Variants in PPP2R2C observed in about 807,000 individuals in gnomAD.
PPP2R2C encodes the protein protein phosphatase 2, regulatory subunit B, gamma.
Under a neutral mutation model 45.3 loss-of-function variants are expected in PPP2R2C, and 10 were observed. The observed-to-expected ratio is 0.22, with a 90% CI of 0.14 to 0.37. The LOEUF is 0.37. PPP2R2C is among the 10% of genes least tolerant of loss of function. The pLI, the probability that PPP2R2C is intolerant of heterozygous loss-of-function variation, is 1.00. For synonymous variants in PPP2R2C, 257 were observed against 245.4 expected (o/e 1.05, Z -0.44); for missense variants, 308 against 619.7 (o/e 0.50, Z 5.34).
At chr4:6,340,495 G>A (rs558253930) in intron 6 of PPP2R2C, among the ~76,000 whole-genome samples, 1 of 152,270 alleles carries the variant, frequency 6.6e-6, no homozygotes, top group East Asian at 1.9e-4. Flanking sequence ...ACGGGAGCCT[G>A]GTCTCTGTAC....
At chr4:6,499,674 C>T (rs956626954) in intron 2 of PPP2R2C, among the ~76,000 whole-genome samples, 3 of 151,358 alleles carry the variant, frequency 2.0e-5, no homozygotes, top group Non-Finnish European at 4.4e-5. Flanking sequence ...AAACTTGCTG[C>T]GGAGTGGTCA....
At chr4:6,382,237 G>A (rs937490567) in intron 1 of PPP2R2C, 78 of 1,211,958 alleles carry the variant, frequency 6.4e-5, no homozygotes, top group South Asian at 1.0e-4. Flanking sequence ...GTAGGAGCCC[G>A]GGATGGCCCG....
intron 1 of PPP2R2C, among the ~76,000 whole-genome samples, chr4:6,550,331 G>A (rs988503065): frequency 1.3e-5 from 2 of 151,432 alleles, no homozygotes; most frequent in African/African-American, 2.4e-5. Context: ...AGTGCCCTCA[G>A]GCCAGCACAT....
intron 1 of PPP2R2C, among the ~76,000 whole-genome samples, chr4:6,539,143 A>C (rs1445833649): frequency 7.1e-6 from 1 of 141,750 alleles, no homozygotes; most frequent in Non-Finnish European, 1.6e-5. Context: ...CCTTCCAAAA[A>C]AAAAAAAGAG....
At chr4:6,517,931 A>G (rs1002364668) in intron 2 of PPP2R2C, among the ~76,000 whole-genome samples, 1 of 152,194 alleles carries the variant, frequency 6.6e-6, no homozygotes, top group Non-Finnish European at 1.5e-5. Flanking sequence ...GCACAGTCCC[A>G]GGTGAGGCCA....
intron 1 of PPP2R2C, among the ~76,000 whole-genome samples, chr4:6,424,998 G>A (rs1357190861): frequency 1.3e-5 from 2 of 152,208 alleles, no homozygotes; most frequent in Admixed American, 6.5e-5. Context: ...TACTTTTAGG[G>A]CCATCATGAA....
intron 1 of PPP2R2C, chr4:6,384,287 T>C (rs1015134389): frequency 2.0e-6 from 2 of 985,388 alleles, no homozygotes; most frequent in Non-Finnish European, 2.4e-6. Flanking sequence ...AAATTGGGTA[T>C]AAAATGCTTG....
intron 5 of PPP2R2C, among the ~76,000 whole-genome samples, chr4:6,356,354 A>G (rs982498767): frequency 1.3e-5 from 2 of 152,134 alleles, no homozygotes. Flanking sequence ...CCCCTTCTAC[A>G]TTGGAAACAG....
chr4:6,499,123 C>G (rs867750225), intron 2 of PPP2R2C, among the ~76,000 whole-genome samples: 1 of 152,140 alleles, frequency 6.6e-6, no homozygotes, highest in Non-Finnish European at 1.5e-5. Context: ...GCTACTCCTG[C>G]TTTCAGGTGC....
chr4:6,344,991 A>G (rs1328311300), intron 6 of PPP2R2C, among the ~76,000 whole-genome samples: 51 of 152,248 alleles, frequency 3.3e-4, no homozygotes, highest in Non-Finnish European at 1.5e-5. Context: ...TAATACTTCA[A>G]GGAGCAGATA....
At chr4:6,462,408 G>C (rs988417568) in intron 1 of PPP2R2C, among the ~76,000 whole-genome samples, 3 of 152,150 alleles carry the variant, frequency 2.0e-5, no homozygotes, top group African/African-American at 7.2e-5. Flanking sequence ...GAACCCGGGA[G>C]GCGGGGGTTT....
intron 1 of PPP2R2C, among the ~76,000 whole-genome samples, chr4:6,449,361 C>T (rs528886655): frequency 2.1e-4 from 32 of 152,324 alleles, no homozygotes; most frequent in Admixed American, 1.6e-3. Flanking sequence ...GTGCCCATTC[C>T]GAGAGAACTG....
chr4:6,518,819 A>G (rs1723912176), intron 2 of PPP2R2C, among the ~76,000 whole-genome samples: 1 of 151,126 alleles, frequency 6.6e-6, no homozygotes, highest in Non-Finnish European at 1.5e-5. Context: ...ACTACCCAAG[A>G]GGCTGAGGCA....
intron 2 of PPP2R2C, among the ~76,000 whole-genome samples, chr4:6,510,990 CAAACAAACAAAAA>C (rs1723422270): frequency 7.6e-6 from 1 of 130,912 alleles, no homozygotes. Context: ...CAAAAAAAAA[CAAACAAACAAAAA>C]AAAAAACAGA....
In PPP2R2C at chr4:6,325,821, T is replaced by C. The variant is rs78545366; in HGVS notation, c.1053-2228A>G. 3.3e-3 allele frequency among the ~76,000 whole-genome samples: 508 copies of C among 152,328 alleles called. 2 individuals are homozygous for C. The highest frequency in any genetic ancestry group is 0.011 in the African/African-American group (442 of 41,580). On this transcript the variant is annotated intron_variant, in intron 8 of 8. Transcript: ENST00000382599. ...TTCACCTCTCCTAGCCTCATCTGCA[T>C]GTGGGACCACAACGCCGGCTGCTTT... is the stretch of plus-strand genomic sequence containing the variant.
chr4:6,338,181 C>T (rs1733137840), intron 6 of PPP2R2C, among the ~76,000 whole-genome samples: 1 of 152,166 alleles, frequency 6.6e-6, no homozygotes, highest in South Asian at 2.1e-4. Flanking sequence ...TCAAAGCCCC[C>T]ATCACTTGTG....
intron 1 of PPP2R2C, among the ~76,000 whole-genome samples, chr4:6,390,236 C>CGGA (rs1716511986): frequency 6.6e-6 from 1 of 151,760 alleles, no homozygotes; most frequent in Non-Finnish European, 1.5e-5. Flanking sequence ...GCTGGGGGTG[C>CGGA]ACACACTGTG....
chr4:6,544,905 C>T (rs1724928579), intron 1 of PPP2R2C, among the ~76,000 whole-genome samples: 1 of 152,224 alleles, frequency 6.6e-6, no homozygotes, highest in African/African-American at 2.4e-5. Context: ...TGTGTTGCTC[C>T]TACTGTCAAA....
Position 6,360,648 on chromosome 4 carries a change from T to C in PPP2R2C, c.625+11875A>G, listed in dbSNP as rs115170343. ...GAAGGCCTCCCACACATGGAGTTCA[T>C]CTTGAAAAACTGCTTTTTCAGCAAA... On this transcript the variant is annotated intron_variant, in intron 5 of 8. Coordinates refer to ENST00000382599, the MANE Select transcript of PPP2R2C (RefSeq NM_020416.4). Among the ~76,000 whole-genome samples, 274 of 152,294 alleles carry C rather than the reference T, an allele frequency of 1.8e-3. 1 individual carries two copies. Among genetic ancestry groups the C allele is most frequent in the African/African-American group, 5.9e-3 (246 of 41,570 alleles).
Sources: gnomAD v4.1 joint callset for allele counts (sites outside exome capture counted in the v4.1 genomes callset) on GRCh38, gnomAD v4.1.1 for gene constraint, MANE v1.5 for transcripts, NCBI Gene and HGNC (gene_info 2026-07-23, HGNC 2026-07-21) for gene names.